The following PLCH1 variants were observed in gnomAD, a reference collection of about 807,000 sequenced individuals.
PLCH1 encodes 1-phosphatidylinositol 4,5-bisphosphate phosphodiesterase eta-1.
In PLCH1, 60 loss-of-function variants were observed where a neutral mutation model predicts 126.7. That is an observed-to-expected ratio of 0.47 (90% CI 0.38 to 0.59). The LOEUF is 0.59. PLCH1 is among the 20% of genes least tolerant of loss of function. The pLI, the probability that PLCH1 is intolerant of heterozygous loss-of-function variation, is 0.00. For missense variants in PLCH1, 1,723 were observed against 2,040.0 expected (o/e 0.84, Z 2.99); for synonymous variants, 719 against 734.9 (o/e 0.98, Z 0.35).
intron 21 of PLCH1, among the ~76,000 whole-genome samples, chr3:155,466,648 GCCACCAGGGA>G (rs1258739907): frequency 6.6e-6 from 1 of 152,160 alleles, no homozygotes; most frequent in Non-Finnish European, 1.5e-5. Context: ...AATTAAATAA[GCCACCAGGGA>G]CCAATCCTGT....
rs756861296 is a variant in PLCH1 at position 155,485,676 on chromosome 3, T to C, written c.2654A>G (p.Asn885Ser). The change falls in exon 22 of 23, where the codon AAT becomes AGT. Residue 885 changes from asparagine (N) to serine (S), a missense_variant. Transcript: ENST00000460012. ...RQLQGLKGLF[N>S]KNPRHSSSEN... is the part of the protein sequence containing the mutation. ...TGAAGAACTGTGCCTAGGATTCTTA[T>C]TGAACAGTCCCTTCAGACCCTGGAG... 15 of 1,604,488 alleles carry C rather than the reference T, an allele frequency of 9.3e-6. No homozygotes were observed. Among genetic ancestry groups the C allele is most frequent in the Non-Finnish European group, 1.3e-5 (15 of 1,179,812 alleles).
intron 1 of PLCH1, among the ~76,000 whole-genome samples, chr3:155,730,367 C>T (rs1044012160): frequency 1.3e-5 from 2 of 152,018 alleles, no homozygotes; most frequent in Non-Finnish European, 2.9e-5. Context: ...CTACAACCTC[C>T]GCCTCCTGGG....
At chr3:155,623,794 G>A (rs1241296975) in intron 2 of PLCH1, among the ~76,000 whole-genome samples, 2 of 152,132 alleles carry the variant, frequency 1.3e-5, no homozygotes, top group Non-Finnish European at 2.9e-5. Context: ...GGACCAGACA[G>A]ATTCACAGTC....
intron 1 of PLCH1, among the ~76,000 whole-genome samples, chr3:155,740,020 A>T (rs180850878): frequency 2.8e-4 from 43 of 152,328 alleles, no homozygotes; most frequent in Non-Finnish European, 4.4e-5. Context: ...CAAAATAGAT[A>T]CCAAATGAAA....
chr3:155,619,898 G>A (rs1451294424), intron 2 of PLCH1, among the ~76,000 whole-genome samples: 1 of 152,004 alleles, frequency 6.6e-6, no homozygotes, highest in African/African-American at 2.4e-5. Flanking sequence ...GTGTGGTAAG[G>A]AAAATGCCTG....
intron 11 of PLCH1, among the ~76,000 whole-genome samples, chr3:155,516,213 A>G (rs1366027681): frequency 1.3e-5 from 2 of 152,182 alleles, no homozygotes; most frequent in African/African-American, 4.8e-5. Flanking sequence ...CATGTCCCCA[A>G]ATATTCTACC....
intron 18 of PLCH1, among the ~76,000 whole-genome samples, chr3:155,492,046 G>A (rs1043702981): frequency 5.9e-5 from 9 of 152,222 alleles, no homozygotes; most frequent in East Asian, 1.9e-4. Context: ...CATTTATGGC[G>A]GTACCAAATT....
intron 10 of PLCH1, among the ~76,000 whole-genome samples, chr3:155,543,559 G>C (rs997798529): frequency 5.3e-5 from 8 of 152,156 alleles, no homozygotes; most frequent in Non-Finnish European, 2.9e-5. Context: ...TACTCCTCGA[G>C]AAAAGCAACT....
chr3:155,639,063 A>G (rs1739073792), intron 2 of PLCH1, among the ~76,000 whole-genome samples: 1 of 152,188 alleles, frequency 6.6e-6, no homozygotes, highest in African/African-American at 2.4e-5. Context: ...AACAGTGTAG[A>G]TAACTAGTAA....
At chr3:155,540,634 T>C (rs1425854827) in intron 10 of PLCH1, among the ~76,000 whole-genome samples, 2 of 152,050 alleles carry the variant, frequency 1.3e-5, no homozygotes, top group African/African-American at 2.4e-5. Context: ...AACAAACATA[T>C]GAAAAAATGC....
At chr3:155,686,619 A>G (rs1340668518) in intron 2 of PLCH1, among the ~76,000 whole-genome samples, 3 of 152,198 alleles carry the variant, frequency 2.0e-5, no homozygotes, top group African/African-American at 4.8e-5. Flanking sequence ...ACCCACCTTC[A>G]GCCCATCACT....
chr3:155,586,113 A>G lies in PLCH1; in HGVS notation c.552T>C (p.His184=). 6.2e-7 allele frequency: 1 copy of G among 1,613,946 alleles called. No homozygotes were observed. Among genetic ancestry groups the G allele is most frequent in the South Asian group, 1.1e-5 (1 of 91,082 alleles). The part of the protein sequence containing the change: ...LNIEEIHQLM[H]KLNVNLPRRK... ...TTCGGGGCAGATTAACATTCAGTTT[A>G]TGCATCAGCTGATGTATCTCTTCAA... The change falls in exon 5 of 23, where the codon CAT becomes CAC. Residue 184 remains histidine, a synonymous_variant. Coordinates refer to ENST00000460012, the MANE Select transcript of PLCH1 (RefSeq NM_014996.4).
At chr3:155,568,784 T>TGTGTGTG (rs1728847719) in intron 6 of PLCH1, among the ~76,000 whole-genome samples, 1 of 70,006 alleles carries the variant, frequency 1.4e-5, no homozygotes, top group Non-Finnish European at 3.3e-5. Context: ...GTGTGTGTGT[T>TGTGTGTG]TGTATCCATA....
intron 2 of PLCH1, among the ~76,000 whole-genome samples, chr3:155,636,318 C>T (rs1738713235): frequency 6.6e-6 from 1 of 152,078 alleles, no homozygotes; most frequent in Non-Finnish European, 1.5e-5. Flanking sequence ...GTTGTTGTTG[C>T]TGTTGTTGTT....
chr3:155,523,920 C>T lies in PLCH1; in HGVS notation c.1447G>A (p.Glu483Lys), dbSNP rs1721548802. The stretch of plus-strand genomic sequence containing the variant: ...ACATAATGGAGCTTGAATTTGCACT[C>T]GTCTTCAATTTCATCTGCACTGTCC... ...DEDSADEIED[E>K]CKFKLHYSNG... Residue 483 changes from glutamate (E) to lysine (K), a missense_variant, in exon 11 of 23, where the codon GAG becomes AAG. Coordinates refer to ENST00000460012, the MANE Select transcript of PLCH1 (RefSeq NM_014996.4). The T allele has an allele frequency of 1.9e-6, 3 of 1,600,060 alleles. No individual in the cohort carries two copies. Among genetic ancestry groups the T allele is most frequent in the East Asian group, 2.2e-5 (1 of 44,562 alleles).
chr3:155,686,897 C>A (rs1577319970), intron 2 of PLCH1, among the ~76,000 whole-genome samples: 1 of 152,222 alleles, frequency 6.6e-6, no homozygotes, highest in Admixed American at 6.5e-5. Flanking sequence ...ATAGTATAAC[C>A]ACTCTCTAAA....
At chr3:155,469,804 C>G (rs966781555) in intron 21 of PLCH1, among the ~76,000 whole-genome samples, 1 of 152,020 alleles carries the variant, frequency 6.6e-6, no homozygotes, top group Non-Finnish European at 1.5e-5. Context: ...AGGCACCCCC[C>G]AGCAGGGGCA....
intron 2 of PLCH1, among the ~76,000 whole-genome samples, chr3:155,634,029 T>C (rs1465474083): frequency 6.6e-6 from 1 of 152,198 alleles, no homozygotes; most frequent in African/African-American, 2.4e-5. Context: ...CTTTGAGTTG[T>C]TCTAACAGCA....
intron 13 of PLCH1, among the ~76,000 whole-genome samples, chr3:155,501,530 C>A (rs964799834): frequency 6.6e-6 from 1 of 151,904 alleles, no homozygotes; most frequent in South Asian, 2.1e-4. Flanking sequence ...TGGTGGCTCG[C>A]GCCTGTAATC....
Sources: allele counts gnomAD v4.1 joint callset (sites outside exome capture counted in the v4.1 genomes callset), GRCh38; gene constraint gnomAD v4.1.1; transcripts MANE v1.5; gene names NCBI Gene and HGNC (gene_info 2026-07-23, HGNC 2026-07-21).